The following ANKS1B variants were observed in gnomAD, a reference collection of about 807,000 sequenced individuals.
ANKS1B encodes the protein ankyrin repeat and sterile alpha motif domain-containing protein 1B.
Under a neutral mutation model 148.3 loss-of-function variants are expected in ANKS1B, and 36 were observed. The observed-to-expected ratio is 0.24, with a 90% CI of 0.19 to 0.32. The LOEUF (loss-of-function observed/expected upper bound fraction) is 0.32, where lower values mean the gene tolerates loss of function less well. Among genes scored for constraint, ANKS1B ranks in the 10% least tolerant of loss-of-function variants. The probability of loss-of-function intolerance (pLI) is 1.00; values close to 1 mark genes in which losing one functional copy is unlikely to be tolerated. For synonymous variants in ANKS1B, 542 were observed against 560.8 expected, an observed-to-expected ratio of 0.97 and a Z score of 0.47; for missense variants, 1,157 against 1,542.6, an observed-to-expected ratio of 0.75 and a Z score of 4.19.
intron 22 of ANKS1B, among the ~76,000 whole-genome samples, chr12:98,785,032 C>A (rs1246399067): frequency 6.6e-6 from 1 of 152,170 alleles, no homozygotes; most frequent in African/African-American, 2.4e-5. Context: ...CTGGGTAGAG[C>A]CCCTCCTTGA....
chr12:99,054,055 A>C (rs998564689), intron 16 of ANKS1B, among the ~76,000 whole-genome samples: 3 of 152,234 alleles, frequency 2.0e-5, no homozygotes, highest in Non-Finnish European at 4.4e-5. Context: ...TCTGGGTTTA[A>C]AATTTTGTAT....
chr12:98,957,544 C>T (rs933019951), intron 17 of ANKS1B, among the ~76,000 whole-genome samples: 1 of 151,876 alleles, frequency 6.6e-6, no homozygotes, highest in African/African-American at 2.4e-5. Context: ...GACGGGTTTT[C>T]ACCATATTGG....
At chr12:99,116,116 G>A (rs1259029123) in intron 15 of ANKS1B, among the ~76,000 whole-genome samples, 1 of 152,072 alleles carries the variant, frequency 6.6e-6, no homozygotes, top group East Asian at 1.9e-4. Context: ...AAGGATTAGT[G>A]AATTTTATGT....
At chr12:98,821,696 C>T (rs2099193908) in intron 19 of ANKS1B, among the ~76,000 whole-genome samples, 1 of 152,150 alleles carries the variant, frequency 6.6e-6, no homozygotes, top group Non-Finnish European at 1.5e-5. Flanking sequence ...TGAACTCCGC[C>T]TCCTGGGTTC....
chr12:98,981,109 C>T (rs1346278563), intron 17 of ANKS1B, among the ~76,000 whole-genome samples: 1 of 151,598 alleles, frequency 6.6e-6, no homozygotes, highest in Non-Finnish European at 1.5e-5. Flanking sequence ...AGTTTGAGAC[C>T]AGCCTAGGCA....
intron 12 of ANKS1B, among the ~76,000 whole-genome samples, chr12:99,275,604 T>C (rs2077577768): frequency 6.6e-6 from 1 of 152,214 alleles, no homozygotes; most frequent in South Asian, 2.1e-4. Flanking sequence ...GATGGACACT[T>C]AGGTTGTTTC....
rs530705312 is a variant in ANKS1B at position 99,246,435 on chromosome 12, A to T, written c.2186T>A (p.Met729Lys). ...TTTAGAGACACTTTTTGACAAATGCATGTCGATCAAGGCTTTAGGCAATGA... is the reference window on the plus strand; with the variant it reads ...TTTAGAGACACTTTTTGACAAATGCTTGTCGATCAAGGCTTTAGGCAATGA... ...IRSLPKALID[M>K]HLSKSVSKSD... The change falls in exon 13 of 27, where the codon ATG (methionine) becomes AAG (lysine). Residue 729 changes from methionine (M) to lysine (K), a missense_variant. Around this residue, in one of 6 missense-constraint regions of ANKS1B, gnomAD observed 661 missense variants for 642.1 expected, o/e 1.03. Coordinates refer to ENST00000683438, the MANE Select transcript of ANKS1B (RefSeq NM_001352186.2). The T allele has an allele frequency of 6.2e-7, 1 of 1,613,892 alleles. No homozygotes were observed. Among genetic ancestry groups the T allele is most frequent in the Admixed American group, 1.7e-5 (1 of 59,986 alleles).
chr12:99,217,163 G>A (rs186011530), intron 14 of ANKS1B, among the ~76,000 whole-genome samples: 1 of 152,056 alleles, frequency 6.6e-6, no homozygotes, highest in Admixed American at 6.5e-5. Context: ...TATTATTTTG[G>A]GCCTCTCTGT....
At chr12:99,030,445 C>G (rs571734702) in intron 17 of ANKS1B, among the ~76,000 whole-genome samples, 17 of 151,968 alleles carry the variant, frequency 1.1e-4, no homozygotes, top group Non-Finnish European at 2.5e-4. Context: ...CAGCTTCCCC[C>G]CAACCCCCAC....
intron 17 of ANKS1B, among the ~76,000 whole-genome samples, chr12:98,986,270 C>G (rs189442810): frequency 6.6e-6 from 1 of 151,884 alleles, no homozygotes; most frequent in Non-Finnish European, 1.5e-5. Flanking sequence ...TAGAAATTCT[C>G]AGTCATTACC....
chr12:99,078,434 T>A (rs2048542576), intron 16 of ANKS1B, among the ~76,000 whole-genome samples: 1 of 152,212 alleles, frequency 6.6e-6, no homozygotes, highest in Admixed American at 6.5e-5. Context: ...GGTTATGAAG[T>A]GATTATGTAC....
chr12:99,563,742 T>G (rs1265247836), intron 9 of ANKS1B, among the ~76,000 whole-genome samples: 1 of 152,174 alleles, frequency 6.6e-6, no homozygotes, highest in Non-Finnish European at 1.5e-5. Flanking sequence ...ACCTTCAATT[T>G]GTAAAAAGAC....
intron 11 of ANKS1B, among the ~76,000 whole-genome samples, chr12:99,438,471 A>G (rs2095496781): frequency 6.6e-6 from 1 of 151,802 alleles, no homozygotes; most frequent in South Asian, 2.1e-4. Context: ...TTATCATGTC[A>G]TCTTCTCCCT....
intron 17 of ANKS1B, among the ~76,000 whole-genome samples, chr12:99,020,878 G>A (rs1214818328): frequency 2.6e-5 from 4 of 152,208 alleles, no homozygotes; most frequent in African/African-American, 9.6e-5. Flanking sequence ...GAGAAGTGCA[G>A]GAGAAGAGAG....
intron 17 of ANKS1B, among the ~76,000 whole-genome samples, chr12:98,877,327 G>T (rs2099693890): frequency 6.6e-6 from 1 of 152,258 alleles, no homozygotes; most frequent in South Asian, 2.1e-4. Flanking sequence ...CAAACGTACT[G>T]CTGCCAACAT....
chr12:99,644,293 A>G (rs1598715696), intron 9 of ANKS1B, among the ~76,000 whole-genome samples: 1 of 152,154 alleles, frequency 6.6e-6, no homozygotes, highest in East Asian at 1.9e-4. Context: ...CACCTTTAAC[A>G]TTCATATGTT....
intron 14 of ANKS1B, among the ~76,000 whole-genome samples, chr12:99,164,444 T>C (rs2077003593): frequency 6.6e-6 from 1 of 152,098 alleles, no homozygotes; most frequent in Non-Finnish European, 1.5e-5. Flanking sequence ...TTCTTCATTT[T>C]TGGTACTCTG....
chr12:98,740,520 G>C (rs565666384), downstream of ANKS1B, among the ~76,000 whole-genome samples: 5 of 152,314 alleles, frequency 3.3e-5, no homozygotes, highest in African/African-American at 1.2e-4. Flanking sequence ...CTAATTTATA[G>C]AGCAGCTCTG....
rs933013693 is a variant in ANKS1B, at chr12:99,046,845, G to C, written c.2778+6312C>G. Among the ~76,000 whole-genome samples the C allele has an allele frequency of 3.3e-5, 5 of 149,844 alleles. No individual in the cohort carries two copies. In the South Asian group the frequency reaches 1.1e-3, roughly 32 times the overall value. On this transcript the variant is annotated intron_variant, in intron 17 of 26. Transcript: ENST00000683438. Reference sequence around the variant, plus strand: ...AAAAAAAAGAAAAAGAAAGACCCAAGTCTAACTTGTGAAGATGAAAACTAT... The same window carrying C: ...AAAAAAAAGAAAAAGAAAGACCCAACTCTAACTTGTGAAGATGAAAACTAT...
Sources: gnomAD v4.1 joint callset for allele counts (sites outside exome capture counted in the v4.1 genomes callset) on GRCh38, gnomAD v4.1.1 for gene constraint, gnomAD v4.1.1 regional missense constraint, MANE v1.5 for transcripts, NCBI Gene and HGNC (gene_info 2026-07-23, HGNC 2026-07-21) for gene names.